Variants in LHX8 observed in about 807,000 individuals in gnomAD.
LHX8 encodes the protein LIM/homeobox protein Lhx8.
Under a neutral mutation model 40.3 loss-of-function variants are expected in LHX8, and 12 were observed. The observed-to-expected ratio is 0.30, with a 90% CI of 0.19 to 0.48. LHX8 has a LOEUF of 0.48. Ranked by LOEUF, LHX8 falls within the 20% of genes least tolerant of loss-of-function variation. LHX8 has a pLI of 0.99. For missense variants in LHX8, 344 were observed against 433.7 expected (o/e 0.79, Z 1.84); for synonymous variants, 179 against 162.0 (o/e 1.10, Z -0.80).
At chr1:75,140,580 C>T (rs1017068560) in intron 3 of LHX8, among the ~76,000 whole-genome samples, 4 of 151,962 alleles carry the variant, frequency 2.6e-5, no homozygotes, top group Non-Finnish European at 5.9e-5. Context: ...TGTGTTTTGT[C>T]TTCTTTAACC....
chr1:75,135,721 G>T (rs895391685), intron 1 of LHX8, among the ~76,000 whole-genome samples: 1 of 152,240 alleles, frequency 6.6e-6, no homozygotes, highest in African/African-American at 2.4e-5. Flanking sequence ...AAACACTTGA[G>T]TAACGCGCGT....
At chr1:75,186,594 T>C in the LHX8 span, among the ~76,000 whole-genome samples, 1 of 152,098 alleles carries the variant, frequency 6.6e-6, no homozygotes, top group Non-Finnish European at 1.5e-5. Context: ...GAGAAGGAAA[T>C]GGTTTGCGAG....
rs1648065028 is a variant in LHX8 at position 75,134,566 on chromosome 1, G to T, written c.-401G>T. Among the ~76,000 whole-genome samples the T allele has an allele frequency of 6.6e-6, 1 of 151,950 alleles. No homozygotes were observed. Among genetic ancestry groups the T allele is most frequent in the Non-Finnish European group, 1.5e-5 (1 of 67,978 alleles). On this transcript the variant is annotated 5_prime_UTR_variant, in exon 1 of 9. Transcript: ENST00000356261. ...GGGGAGGGGGGAGATCGGCAGACAC[G>T]GACAGCCTCTGACCCTCTGGAGTTG...
chr1:75,196,498 C>T, the LHX8 span, among the ~76,000 whole-genome samples: 2 of 152,160 alleles, frequency 1.3e-5, no homozygotes, highest in South Asian at 4.1e-4. Context: ...GATAGCTTGC[C>T]CTGCCATAGT....
At chr1:75,163,480 T>G (rs1211516596), downstream of LHX8, among the ~76,000 whole-genome samples, 1 of 152,166 alleles carries the variant, frequency 6.6e-6, no homozygotes, top group South Asian at 2.1e-4. Flanking sequence ...AGTATATTAG[T>G]GTAGGAAAAA....
At chr1:75,137,707 A>C (rs1648194065) in intron 3 of LHX8, among the ~76,000 whole-genome samples, 1 of 152,234 alleles carries the variant, frequency 6.6e-6, no homozygotes, top group Admixed American at 6.5e-5. Context: ...ACTGCTTAGA[A>C]GAATTTTAAG....
chr1:75,136,567 T>A, intron 1 of LHX8, 36 bp from the exon 2 acceptor site: 1 of 1,453,192 alleles, frequency 6.9e-7, no homozygotes, highest in Non-Finnish European at 9.4e-7. Context: ...ACTTCTGATC[T>A]GTTTCTCCAT....
At chr1:75,144,061 G>A in intron 6 of LHX8, 113 bp downstream of exon 6, 1 of 804,084 alleles carries the variant, frequency 1.2e-6, no homozygotes, top group South Asian at 1.5e-5. Context: ...ATTAGCCTAT[G>A]TGTTTTATGA....
the LHX8 span, among the ~76,000 whole-genome samples, chr1:75,174,750 A>G: frequency 6.6e-6 from 1 of 152,232 alleles, no homozygotes; most frequent in Non-Finnish European, 1.5e-5. Flanking sequence ...GCTACAGTGC[A>G]TGGTAGCAGA....
the LHX8 span, among the ~76,000 whole-genome samples, chr1:75,176,877 C>T: frequency 6.6e-6 from 1 of 152,140 alleles, no homozygotes; most frequent in African/African-American, 2.4e-5. Flanking sequence ...GATCCAGTTT[C>T]AGCTTTCTAC....
chr1:75,151,580 T>C (rs1213538329), intron 7 of LHX8, among the ~76,000 whole-genome samples: 1 of 152,212 alleles, frequency 6.6e-6, no homozygotes, highest in African/African-American at 2.4e-5. Context: ...TCACTCATAA[T>C]GAATTTTCTC....
chr1:75,137,610 C>A (rs537272349), intron 3 of LHX8, among the ~76,000 whole-genome samples: 2 of 152,264 alleles, frequency 1.3e-5, no homozygotes, highest in East Asian at 1.9e-4. Flanking sequence ...TATTTTTCAC[C>A]CAGCCCCGAA....
the LHX8 span, among the ~76,000 whole-genome samples, chr1:75,184,630 A>T: frequency 6.6e-6 from 1 of 152,160 alleles, no homozygotes; most frequent in East Asian, 1.9e-4. Context: ...GGTAAGAGGG[A>T]TATTTATAGC....
chr1:75,138,998 CG>C (rs1256821924), intron 3 of LHX8, among the ~76,000 whole-genome samples: 1 of 151,688 alleles, frequency 6.6e-6, no homozygotes, highest in Non-Finnish European at 1.5e-5. Context: ...CTTTATTTTC[CG>C]TTTTGAGTAC....
At chr1:75,137,667 C>G (rs1429032645) in intron 3 of LHX8, among the ~76,000 whole-genome samples, 1 of 152,220 alleles carries the variant, frequency 6.6e-6, no homozygotes, top group Non-Finnish European at 1.5e-5. Context: ...GGACTGTGGT[C>G]TCTCCACCCC....
the LHX8 span, among the ~76,000 whole-genome samples, chr1:75,192,429 T>C: frequency 7.9e-5 from 12 of 152,150 alleles, no homozygotes; most frequent in African/African-American, 2.9e-4. Flanking sequence ...TCCCAAGGCC[T>C]ATTTTATCAG....
At chr1:75,177,493 A>G in the LHX8 span, among the ~76,000 whole-genome samples, 1 of 152,186 alleles carries the variant, frequency 6.6e-6, no homozygotes, top group Non-Finnish European at 1.5e-5. Flanking sequence ...ATTGATGTAT[A>G]AGAATGCTTG....
chr1:75,136,367 C>T (rs1392161825), intron 1 of LHX8, among the ~76,000 whole-genome samples: 1 of 151,894 alleles, frequency 6.6e-6, no homozygotes, highest in Non-Finnish European at 1.5e-5. Context: ...GACCCGGAGC[C>T]CGGGGAGCGC....
At chr1:75,133,678 A>G (rs1249702700), upstream of LHX8, among the ~76,000 whole-genome samples, 1 of 152,192 alleles carries the variant, frequency 6.6e-6, no homozygotes, top group Non-Finnish European at 1.5e-5. Flanking sequence ...AATCTTAATC[A>G]AAATTAAGGT....
Sources: allele counts gnomAD v4.1 joint callset (sites outside exome capture counted in the v4.1 genomes callset), GRCh38; gene constraint gnomAD v4.1.1; transcripts MANE v1.5; gene names NCBI Gene and HGNC (gene_info 2026-07-23, HGNC 2026-07-21).